Variants in SNTB1 observed in about 807,000 individuals in gnomAD.
SNTB1 encodes the protein beta-1-syntrophin.
In SNTB1, 36 loss-of-function variants were observed where a neutral mutation model predicts 48.9. That is an observed-to-expected ratio of 0.74 (90% confidence interval 0.56 to 0.97). The LOEUF (loss-of-function observed/expected upper bound fraction) is 0.97. SNTB1 is among the 50% of genes least tolerant of loss of function. The pLI is 0.00. For missense variants in SNTB1, 786 were observed against 703.4 expected (o/e 1.12, Z -1.33); for synonymous variants, 299 against 294.6 (o/e 1.01, Z -0.15).
chr8:120,642,303 C>A (rs1257477645), intron 2 of SNTB1, among the ~76,000 whole-genome samples: 12 of 152,186 alleles, frequency 7.9e-5, no homozygotes, highest in Admixed American at 7.9e-4. Context: ...GCAAGGTTCT[C>A]AACCAAAAGT....
At position 120,693,716 on chromosome 8, in the gene SNTB1, A is replaced by G. The variant is rs777177247; in HGVS notation, c.764T>C (p.Met255Thr). ...CCTGTTCTCAGGGTCGGCCAAGGCCATACTCCGAGTGACGTAGCACATTTT... is the reference window on the plus strand; with the variant it reads ...CCTGTTCTCAGGGTCGGCCAAGGCCGTACTCCGAGTGACGTAGCACATTTT... ...PLKMCYVTRS[M>T]ALADPENRQL... Residue 255 changes from methionine (M) to threonine (T), a missense_variant, in exon 2 of 7, where the codon ATG becomes ACG. By Grantham distance (81) the Met-to-Thr change is moderately conservative (BLOSUM62 -1). Coordinates refer to ENST00000517992, the MANE Select transcript of SNTB1 (RefSeq NM_021021.4). 3 of 1,613,992 alleles carry G rather than the reference A, an allele frequency of 1.9e-6. No homozygotes were observed. The highest frequency in any genetic ancestry group is 2.2e-5 in the South Asian group (2 of 91,048).
At chr8:120,598,978 T>G in intron 3 of SNTB1, among the ~76,000 whole-genome samples, 1 of 152,192 alleles carries the variant, frequency 6.6e-6, no homozygotes. Context: ...GGCAGGATTA[T>G]GTCTGCATGG....
At chr8:120,626,573 T>C (rs1816885848) in intron 3 of SNTB1, among the ~76,000 whole-genome samples, 1 of 152,238 alleles carries the variant, frequency 6.6e-6, no homozygotes, top group Non-Finnish European at 1.5e-5. Context: ...GTAGTTTGAA[T>C]AGACCTTTTT....
intron 3 of SNTB1, among the ~76,000 whole-genome samples, chr8:120,617,129 C>T (rs1015659524): frequency 1.3e-5 from 2 of 152,164 alleles, no homozygotes; most frequent in Admixed American, 6.5e-5. Context: ...CATTAGCTAT[C>T]GTTAGTGTTA....
intron 3 of SNTB1, among the ~76,000 whole-genome samples, chr8:120,625,824 G>A (rs985925476): frequency 1.3e-5 from 2 of 152,204 alleles, no homozygotes; most frequent in African/African-American, 4.8e-5. Flanking sequence ...GGGTAGCTTG[G>A]ACAGTAGTTC....
chr8:120,750,789 G>C (rs913382810), intron 1 of SNTB1, among the ~76,000 whole-genome samples: 7 of 152,052 alleles, frequency 4.6e-5, no homozygotes, highest in Non-Finnish European at 5.9e-5. Flanking sequence ...TGAGGTGTCA[G>C]GTGGAAAATG....
At chr8:120,608,254 C>T (rs1023590301) in intron 3 of SNTB1, among the ~76,000 whole-genome samples, 4 of 152,182 alleles carry the variant, frequency 2.6e-5, no homozygotes, top group Non-Finnish European at 4.4e-5. Context: ...TTAATGAACA[C>T]ATCATATAGG....
chr8:120,596,666 A>G (rs1437501080), intron 3 of SNTB1, among the ~76,000 whole-genome samples: 1 of 152,144 alleles, frequency 6.6e-6, no homozygotes, highest in African/African-American at 2.4e-5. Flanking sequence ...CCCAGTTTCT[A>G]GAGGTTGCCT....
At chr8:120,732,405 C>T (rs370577973) in intron 1 of SNTB1, among the ~76,000 whole-genome samples, 16 of 152,320 alleles carry the variant, frequency 1.1e-4, no homozygotes, top group South Asian at 4.1e-4. Context: ...AAAGCAGAAA[C>T]CTCACTCTGA....
chr8:120,711,349 T>A (rs1464391018), intron 1 of SNTB1, among the ~76,000 whole-genome samples: 2 of 152,108 alleles, frequency 1.3e-5, no homozygotes, highest in African/African-American at 4.8e-5. Flanking sequence ...CTTTATACAC[T>A]CTAAATTGTG....
chr8:120,625,168 A>T (rs1057004660), intron 3 of SNTB1, among the ~76,000 whole-genome samples: 7 of 152,108 alleles, frequency 4.6e-5, no homozygotes, highest in African/African-American at 1.7e-4. Context: ...AGACCTCATC[A>T]CCTCTTAAAG....
rs772844653 is a variant in SNTB1 at position 120,559,224 on chromosome 8, T to G, written c.1137-10266A>C. ...AACAGCCTAACATCCATTTCCTGCT[T>G]CTTCTTTTGAATCTATCTTTAGTGA... On this transcript the variant is annotated intron_variant, in intron 4 of 6. Coordinates refer to ENST00000517992, the MANE Select transcript of SNTB1 (RefSeq NM_021021.4). 4.9e-4 allele frequency among the ~76,000 whole-genome samples: 74 copies of G among 152,342 alleles called. 1 individual carries two copies. Among genetic ancestry groups the G allele is most frequent in the South Asian group, 8.3e-4 (4 of 4,830 alleles).
intron 3 of SNTB1, among the ~76,000 whole-genome samples, chr8:120,615,494 G>A (rs1816698849): frequency 6.6e-6 from 1 of 152,156 alleles, no homozygotes; most frequent in Admixed American, 6.5e-5. Context: ...CTGAGGGGAG[G>A]AAAAATCCCT....
At chr8:120,784,182 C>T (rs1000380339) in intron 1 of SNTB1, among the ~76,000 whole-genome samples, 2 of 151,942 alleles carry the variant, frequency 1.3e-5, no homozygotes, top group Non-Finnish European at 2.9e-5. Flanking sequence ...TTAGTAGAGA[C>T]AGGGTTTCAC....
chr8:120,776,611 A>T (rs1282038485), intron 1 of SNTB1: 1 of 152,116 alleles, frequency 6.6e-6, no homozygotes, highest in Admixed American at 6.5e-5. Context: ...CTTATTTACA[A>T]CCAAAATAAA....
rs1818776065 is a variant in SNTB1 at position 120,727,402 on chromosome 8, T to G, written c.572-33494A>C. 3.9e-5 allele frequency among the ~76,000 whole-genome samples: 6 copies of G among 152,272 alleles called. 1 individual carries two copies. In the South Asian group the frequency reaches 1.2e-3, roughly 32 times the overall value. ...TCAGCCAGATGAGAGTCTATTTACTTGAGGGAACAGTGAGCAAGTCATCTT... is the reference window on the plus strand; with the variant it reads ...TCAGCCAGATGAGAGTCTATTTACTGGAGGGAACAGTGAGCAAGTCATCTT... On this transcript the variant is annotated intron_variant, in intron 1 of 6. Transcript: ENST00000517992.
chr8:120,794,466 T>C (rs1045740164), intron 1 of SNTB1, among the ~76,000 whole-genome samples: 2 of 151,212 alleles, frequency 1.3e-5, no homozygotes, highest in Non-Finnish European at 2.9e-5. Flanking sequence ...ATATCAGTAG[T>C]GTATGTACTA....
intron 3 of SNTB1, among the ~76,000 whole-genome samples, chr8:120,605,902 A>G (rs888379011): frequency 1.3e-5 from 2 of 152,112 alleles, no homozygotes; most frequent in Admixed American, 1.3e-4. Flanking sequence ...ACATTTAGCT[A>G]CAGACAAAAA....
At chr8:120,809,569 A>G (rs561700107) in intron 1 of SNTB1, among the ~76,000 whole-genome samples, 4 of 152,300 alleles carry the variant, frequency 2.6e-5, no homozygotes, top group African/African-American at 9.6e-5. Flanking sequence ...AAGGGACATT[A>G]TAAAGTATGG....
Sources: allele counts gnomAD v4.1 joint callset (sites outside exome capture counted in the v4.1 genomes callset), GRCh38; gene constraint gnomAD v4.1.1; transcripts MANE v1.5; gene names NCBI Gene and HGNC (gene_info 2026-07-23, HGNC 2026-07-21).